The following KCTD6 variants were observed in gnomAD, a reference collection of about 807,000 sequenced individuals.
KCTD6 encodes the protein potassium channel tetramerization domain containing 6, also known as BTB/POZ domain-containing protein KCTD6.
A neutral mutation model predicts 18.7 loss-of-function variants in KCTD6; 6 were observed. The ratio of observed to expected loss-of-function variants is 0.32; its 90% CI spans 0.18 to 0.63. The LOEUF (loss-of-function observed/expected upper bound fraction) is 0.63, where lower values mean the gene tolerates loss of function less well. KCTD6 is among the 30% of genes least tolerant of loss of function. KCTD6 has a pLI of 0.79. For synonymous variants in KCTD6, 86 were observed against 108.5 expected, an observed-to-expected ratio of 0.79 and a Z score of 1.29; for missense variants, 165 against 300.2, an observed-to-expected ratio of 0.55 and a Z score of 3.33.
intron 2 of KCTD6, chr3:58,500,278 A>ATTTTTTTTTTTT (rs66715551): frequency 1.7e-5 from 2 of 119,116 alleles, no homozygotes; most frequent in Non-Finnish European, 1.7e-5. Context: ...CACCCAGTGA[A>ATTTTTTTTTTTT]TTTTTTTTTT....
chr3:58,493,924 C>T lies in KCTD6; in HGVS notation c.-44+1755C>T, dbSNP rs1452354809. On this transcript the variant is annotated intron_variant, in intron 1 of 2. Coordinates refer to ENST00000404589, the MANE Select transcript of KCTD6 (RefSeq NM_001128214.2). The surrounding 1 kb of genome is among the most constrained non-coding windows in gnomAD (Gnocchi z 4.5). Reference sequence around the variant, plus strand: ...ACGGAGCAGAATTCAACTACAGGACCTCCCTGGGAACCTGTTCTCTTTCCT... The same window carrying T: ...ACGGAGCAGAATTCAACTACAGGACTTCCCTGGGAACCTGTTCTCTTTCCT... 4 of 152,180 alleles carry T rather than the reference C, an allele frequency of 2.6e-5. No homozygotes were observed. The East Asian group carries it at 5.8e-4, about 22-fold the overall frequency. 9.4% of individuals were successfully genotyped at this position (152,180 alleles called of 1,614,324 possible).
At position 58,492,181 on chromosome 3, in the gene KCTD6, T is replaced by G. The variant is rs1221135113; in HGVS notation, c.-44+12T>G. On this transcript the variant is annotated intron_variant, in intron 1 of 2. Transcript: ENST00000404589. This position sits in a 1 kb window ranked among gnomAD's most constrained non-coding sequence, Gnocchi z 6.1. ...GCCGCCGCCGCGCAGTGAGTGGGGC[T>G]GGCGCGGGGCTTGCGGGGCCGGGGT... 6.7e-6 allele frequency: 1 copy of G among 149,244 alleles called. No individual in the cohort carries two copies. The highest frequency in any genetic ancestry group is 2.4e-5 in the African/African-American group (1 of 40,948). The allele number at this position is 149,244 out of a possible 1,614,324, so 9.2% of individuals were successfully genotyped here.
At position 58,497,409 on chromosome 3, in the gene KCTD6, A is replaced by G. The variant is rs1171606815; in HGVS notation, c.-43-1304A>G. Among the ~76,000 whole-genome samples the G allele has an allele frequency of 6.6e-6, 1 of 152,222 alleles. No homozygotes were observed. Among genetic ancestry groups the G allele is most frequent in the Non-Finnish European group, 1.5e-5 (1 of 68,032 alleles). On this transcript the variant is annotated intron_variant, in intron 1 of 2. Coordinates refer to ENST00000404589, the MANE Select transcript of KCTD6 (RefSeq NM_001128214.2). This position sits in a 1 kb window ranked among gnomAD's most constrained non-coding sequence, Gnocchi z 4.2. ...AAGTGAATCTGTTAAAGGACCACGT[A>G]AAAAAGCCAGTGCTTTTCCTGGATG... is the stretch of plus-strand genomic sequence containing the variant.
rs905856658 is a variant in KCTD6, at chr3:58,498,703, C to T, written c.-43-10C>T. 5 of 1,430,130 alleles carry T rather than the reference C, an allele frequency of 3.5e-6. No homozygotes were observed. Among genetic ancestry groups the T allele is most frequent in the Non-Finnish European group, 4.9e-6 (5 of 1,015,554 alleles). 88.6% of individuals were successfully genotyped at this position (1,430,130 alleles called of 1,614,324 possible). On this transcript the variant is annotated splice_polypyrimidine_tract_variant and intron_variant, in intron 1 of 2. Coordinates refer to ENST00000404589, the MANE Select transcript of KCTD6 (RefSeq NM_001128214.2). The surrounding 1 kb of genome is among the most constrained non-coding windows in gnomAD (Gnocchi z 4.6). ...TATGCTATCATATGTCTGTTTTTCT[C>T]CTCTTGAAGTTTCCCTGAAACCTGG...
chr3:58,493,007 T>A lies in KCTD6; in HGVS notation c.-44+838T>A, dbSNP rs2063161507. The stretch of plus-strand genomic sequence containing the variant: ...GATGACCCGGCTCGGCTAAGAATAT[T>A]TGGGGTAGCCTAAGTATCTCTTCTA... On this transcript the variant is annotated intron_variant, in intron 1 of 2. Coordinates refer to ENST00000404589, the MANE Select transcript of KCTD6 (RefSeq NM_001128214.2). This position sits in a 1 kb window ranked among gnomAD's most constrained non-coding sequence, Gnocchi z 4.5. Among the ~76,000 whole-genome samples, 1 of 152,194 alleles carries A rather than the reference T, an allele frequency of 6.6e-6. No homozygotes were observed. The highest frequency in any genetic ancestry group is 6.5e-5 in the Admixed American group (1 of 15,288).
At position 58,492,169 on chromosome 3, in the gene KCTD6, A is replaced by AGTGAGT. The variant is rs2063157844; in HGVS notation, c.-44+2_-44+7dup. On this transcript the variant is annotated splice_region_variant and 5_prime_UTR_variant. Transcript: ENST00000404589. This position sits in a 1 kb window ranked among gnomAD's most constrained non-coding sequence, Gnocchi z 6.1. ...GCCGCAGCAGCCGCCGCCGCCGCGC[A>AGTGAGT]GTGAGTGGGGCTGGCGCGGGGCTTG... The AGTGAGT allele has an allele frequency of 2.0e-5, 3 of 148,886 alleles. No homozygotes were observed. The South Asian group carries it at 5.4e-4, about 27-fold the overall frequency. 9.2% of individuals were successfully genotyped at this position (148,886 alleles called of 1,614,324 possible).
Position 58,501,241 on chromosome 3 carries a change from C to T in KCTD6, c.323C>T (p.Pro108Leu). 2 of 1,614,150 alleles carry T rather than the reference C, an allele frequency of 1.2e-6. No individual in the cohort carries two copies. The highest frequency in any genetic ancestry group is 8.5e-7 in the Non-Finnish European group (1 of 1,180,024). ...CCCTTGATTCAGTGTCTCAATGATC[C>T]TAAGCCTTTGTATCCCATGGATACT... The part of the protein sequence containing the change: ...IEPLIQCLND[P>L]KPLYPMDTFE... The change falls in exon 3 of 3, where the codon CCT becomes CTT. Residue 108 changes from proline to leucine, a missense_variant. Physicochemically the swap from Pro to Leu is moderately conservative, Grantham distance 98 (BLOSUM62 -3). This residue lies in a region of KCTD6 where 106 missense variants were observed against 230.4 expected (regional missense o/e 0.46). Coordinates refer to ENST00000404589, the MANE Select transcript of KCTD6 (RefSeq NM_001128214.2). This position sits in a 1 kb window ranked among gnomAD's most constrained non-coding sequence, Gnocchi z 9.7.
chr3:58,495,476 A>G (rs12715532), intron 1 of KCTD6, among the ~76,000 whole-genome samples: 17,650 of 151,070 alleles, frequency 0.12, 1,085 homozygotes, highest in East Asian at 0.22. Flanking sequence ...GCCGATCATT[A>G]TCCAGCTATT....
At position 58,496,832 on chromosome 3, in the gene KCTD6, T is replaced by C. The variant is rs2063177246; in HGVS notation, c.-43-1881T>C. On this transcript the variant is annotated intron_variant, in intron 1 of 2. Coordinates refer to ENST00000404589, the MANE Select transcript of KCTD6 (RefSeq NM_001128214.2). This position sits in a 1 kb window ranked among gnomAD's most constrained non-coding sequence, Gnocchi z 5.1. ...CACTCCATAGGTGACCCACAATAAT[T>C]GTTGGCTGAATGAATGATTATTGAG... 6.6e-6 allele frequency among the ~76,000 whole-genome samples: 1 copy of C among 152,158 alleles called. No individual in the cohort carries two copies. The highest frequency in any genetic ancestry group is 1.5e-5 in the Non-Finnish European group (1 of 68,032).
At chr3:58,500,695 C>T (rs1353420672) in intron 2 of KCTD6, among the ~76,000 whole-genome samples, 1 of 152,084 alleles carries the variant, frequency 6.6e-6, no homozygotes, top group African/African-American at 2.4e-5. Flanking sequence ...AGTCAATGCC[C>T]TGTATTCTTA....
At chr3:58,495,497 G>A (rs2063171531) in intron 1 of KCTD6, among the ~76,000 whole-genome samples, 1 of 108,696 alleles carries the variant, frequency 9.2e-6, no homozygotes, top group Admixed American at 1.0e-4. Context: ...GGATAACAGG[G>A]AATTTTTCAT....
chr3:58,494,864 A>C (rs2063169177), intron 1 of KCTD6, among the ~76,000 whole-genome samples: 1 of 152,210 alleles, frequency 6.6e-6, no homozygotes, highest in South Asian at 2.1e-4. Flanking sequence ...TGCTAACATG[A>C]CACTGTCAGA....
Position 58,498,909 on chromosome 3 carries a change from C to T in KCTD6, c.27+127C>T. 2.7e-6 allele frequency: 2 copies of T among 731,158 alleles called. No homozygotes were observed. Among genetic ancestry groups the T allele is most frequent in the Non-Finnish European group, 2.3e-6 (1 of 437,676 alleles). 45.3% of individuals were successfully genotyped at this position (731,158 alleles called of 1,614,324 possible). A position where few individuals can be genotyped will look rare whatever the true frequency, so the allele number is the denominator to read the frequency against. On this transcript the variant is annotated intron_variant, in intron 2 of 2. Coordinates refer to ENST00000404589, the MANE Select transcript of KCTD6 (RefSeq NM_001128214.2). This position sits in a 1 kb window ranked among gnomAD's most constrained non-coding sequence, Gnocchi z 4.6. ...TGTGAATTTGTGTAACCTCTCTTCC[C>T]CCTTTTACTTAGTTTAGATGTATTT...
chr3:58,498,857 T>C lies in KCTD6; in HGVS notation c.27+75T>C. On this transcript the variant is annotated intron_variant, in intron 2 of 2. Transcript: ENST00000404589. The surrounding 1 kb of genome is among the most constrained non-coding windows in gnomAD (Gnocchi z 4.6). ...GTGTCTTTTTATCCTTATGTATTTT[T>C]AGGTATATCTTATAAGAAAAGAAAA... 1 of 1,205,796 alleles carries C rather than the reference T, an allele frequency of 8.3e-7. No individual in the cohort carries two copies. The highest frequency in any genetic ancestry group is 2.4e-5 in the East Asian group (1 of 41,774). The allele number at this position is 1,205,796 out of a possible 1,614,324, so 74.7% of individuals were successfully genotyped here.
Position 58,501,509 on chromosome 3 carries a change from C to T in KCTD6, c.591C>T (p.Tyr197=), listed in dbSNP as rs1367345871. 1.3e-6 allele frequency: 2 copies of T among 1,501,994 alleles called. No individual in the cohort carries two copies. The highest frequency in any genetic ancestry group is 1.8e-6 in the Non-Finnish European group (2 of 1,128,288). 93.0% of individuals were successfully genotyped at this position (1,501,994 alleles called of 1,614,324 possible). A position where few individuals can be genotyped will look rare whatever the true frequency, so the allele number is the denominator to read the frequency against. The change falls in exon 3 of 3, where the codon TAC becomes TAT. Residue 197 remains tyrosine (Y), a synonymous_variant. Transcript: ENST00000404589. This position sits in a 1 kb window ranked among gnomAD's most constrained non-coding sequence, Gnocchi z 9.7. ...CTCTTAGGGTCCACCTGATGGAATA[C>T]ATTACAAAACAAGGTTTCACGATCC... ...EVSLRVHLME[Y]ITKQGFTIRN... is the part of the protein sequence containing the mutation.
intron 1 of KCTD6, among the ~76,000 whole-genome samples, chr3:58,495,874 T>TG (rs1276064532): frequency 4.1e-5 from 6 of 144,990 alleles, no homozygotes; most frequent in African/African-American, 1.5e-4. Flanking sequence ...ATCGTCTAAT[T>TG]TTTTTTTTTT....
chr3:58,501,702 A>C lies in KCTD6; in HGVS notation c.*70A>C. 9.6e-7 allele frequency: 1 copy of C among 1,036,514 alleles called. No individual in the cohort carries two copies. The allele number at this position is 1,036,514 out of a possible 1,614,324, so 64.2% of individuals were successfully genotyped here. On this transcript the variant is annotated 3_prime_UTR_variant, in exon 3 of 3. Coordinates refer to ENST00000404589, the MANE Select transcript of KCTD6 (RefSeq NM_001128214.2). The surrounding 1 kb of genome is among the most constrained non-coding windows in gnomAD (Gnocchi z 9.7). ...GGAAGATACTGATTTTTTTTTTTAA[A>C]TCACAGTGTGAGATATTTTTTTTCT...
In KCTD6 at chr3:58,498,776, C is replaced by G; in HGVS notation, c.21C>G (p.Gly7=). Residue 7 remains glycine (G), a synonymous_variant, in exon 2 of 3, where the codon GGC becomes GGG. Coordinates refer to ENST00000404589, the MANE Select transcript of KCTD6 (RefSeq NM_001128214.2). The surrounding 1 kb of genome is among the most constrained non-coding windows in gnomAD (Gnocchi z 4.6). ...AGCAGATGGATAATGGAGACTGGGG[C>G]TATATGGTGAGTGCTTCTTGGAGAT... MDNGDW[G]YMMTDPVTLN... is the part of the protein sequence containing the mutation. The G allele has an allele frequency of 6.2e-7, 1 of 1,611,576 alleles. No individual in the cohort carries two copies. The highest frequency in any genetic ancestry group is 8.5e-7 in the Non-Finnish European group (1 of 1,178,908).
In KCTD6 at chr3:58,496,496, A is replaced by G. The variant is rs2063175810; in HGVS notation, c.-43-2217A>G. Among the ~76,000 whole-genome samples the G allele has an allele frequency of 6.6e-6, 1 of 152,082 alleles. No homozygotes were observed. Among genetic ancestry groups the G allele is most frequent in the Non-Finnish European group, 1.5e-5 (1 of 68,006 alleles). On this transcript the variant is annotated intron_variant, in intron 1 of 2. Transcript: ENST00000404589. The surrounding 1 kb of genome is among the most constrained non-coding windows in gnomAD (Gnocchi z 5.1). ...CTGGTATCAGGAATGTTGTAGGGGG[A>G]AAAAAAGTCTTTCATGCCCCTGTCT... is the stretch of plus-strand genomic sequence containing the variant.
Sources: gnomAD v4.1 joint callset for allele counts (sites outside exome capture counted in the v4.1 genomes callset) on GRCh38, gnomAD v4.1.1 for gene constraint, gnomAD v4.1.1 regional missense constraint, Gnocchi (gnomAD v3.1) non-coding constraint, MANE v1.5 for transcripts, NCBI Gene and HGNC (gene_info 2026-07-23, HGNC 2026-07-21) for gene names.